PDE4D: variants seen among roughly 807,000 people sequenced by gnomAD.
PDE4D encodes 3',5'-cyclic-AMP phosphodiesterase 4D.
PDE4D carries 24 observed loss-of-function variants against 87.4 expected under a neutral mutation model. That is an observed-to-expected ratio of 0.27 (90% CI 0.20 to 0.39). PDE4D has a LOEUF of 0.39. Among genes scored for constraint, PDE4D ranks in the 10% least tolerant of loss-of-function variants. The pLI, the probability that PDE4D is intolerant of heterozygous loss-of-function variation, is 1.00. For synonymous variants in PDE4D, 384 were observed against 383.2 expected (o/e 1.00, Z -0.02); for missense variants, 714 against 1,041.0 (o/e 0.69, Z 4.32).
rs534859161 is a variant in PDE4D, at chr5:59,144,085, G to T, written c.808+36510C>A. ...GATCCAAATAAAGAAACCATCGGGG[G>T]TTTCTCTATGGCTTATAAAGGAGCA... On this transcript the variant is annotated intron_variant, in intron 5 of 14. Transcript: ENST00000340635. Among the ~76,000 whole-genome samples the T allele has an allele frequency of 3.3e-5, 5 of 152,290 alleles. No homozygotes were observed. The South Asian group carries it at 6.2e-4, about 19-fold the overall frequency.
At chr5:59,829,244 T>G (rs1038621072) in intron 1 of PDE4D, among the ~76,000 whole-genome samples, 2 of 151,944 alleles carry the variant, frequency 1.3e-5, no homozygotes, top group Non-Finnish European at 2.9e-5. Context: ...ATAGCACACA[T>G]TAGAATAGAT....
intron 5 of PDE4D, among the ~76,000 whole-genome samples, chr5:59,151,072 C>A (rs566235703): frequency 1.3e-5 from 2 of 152,286 alleles, no homozygotes; most frequent in East Asian, 1.9e-4. Context: ...AACTTCTAAA[C>A]CCTAGTCCAC....
At chr5:59,272,789 T>C (rs978750065) in intron 1 of PDE4D, among the ~76,000 whole-genome samples, 2 of 152,134 alleles carry the variant, frequency 1.3e-5, no homozygotes, top group Admixed American at 6.6e-5. Context: ...AAGTTTGCCA[T>C]GAAATCCCAT....
chr5:60,126,047 G>A (rs1330037663), intron 2 of PDE4D, among the ~76,000 whole-genome samples: 1 of 152,062 alleles, frequency 6.6e-6, no homozygotes, highest in African/African-American at 2.4e-5. Context: ...AGTTAAAAGG[G>A]CGTTTGACTA....
At chr5:59,048,590 T>A (rs1356368412) in intron 5 of PDE4D, among the ~76,000 whole-genome samples, 1 of 152,226 alleles carries the variant, frequency 6.6e-6, no homozygotes, top group Non-Finnish European at 1.5e-5. Flanking sequence ...ACTGACCAGT[T>A]ACTTGTCAAG....
intron 1 of PDE4D, among the ~76,000 whole-genome samples, chr5:59,542,634 T>C (rs186349028): frequency 1.4e-3 from 214 of 152,306 alleles, no homozygotes; most frequent in African/African-American, 4.9e-3. Flanking sequence ...ATAATATATA[T>C]TTCTAAATTC....
chr5:60,326,485 T>C lies in PDE4D; in HGVS notation c.-89-140798A>G, dbSNP rs199694896. 2.6e-5 allele frequency among the ~76,000 whole-genome samples: 4 copies of C among 152,228 alleles called. No individual in the cohort carries two copies. The East Asian group carries it at 5.8e-4, about 22-fold the overall frequency. The stretch of plus-strand genomic sequence containing the variant: ...ATTTTGTCCTGTGTTTTTCCTAAAA[T>C]ATGATCAGCTAAATTCAGAAACTTT... On this transcript the variant is annotated intron_variant, in intron 1 of 16. Coordinates refer to the PDE4D transcript ENST00000502484.
Position 59,875,977 on chromosome 5 carries a change from G to A in PDE4D, c.455+17191C>T, listed in dbSNP as rs1748546134. ...CCTATTGGAGGCTGGAGGGTGGGAG[G>A]AGGGAGAGGATCAAGAAAAATAACT... On this transcript the variant is annotated intron_variant, in intron 1 of 14. Coordinates refer to ENST00000340635, the MANE Select transcript of PDE4D (RefSeq NM_001104631.2). Among the ~76,000 whole-genome samples the A allele has an allele frequency of 2.0e-5, 3 of 152,142 alleles. No individual in the cohort carries two copies. The South Asian group carries it at 6.2e-4, about 32-fold the overall frequency.
At chr5:59,368,733 T>G (rs1783478926) in intron 1 of PDE4D, among the ~76,000 whole-genome samples, 1 of 152,166 alleles carries the variant, frequency 6.6e-6, no homozygotes, top group South Asian at 2.1e-4. Flanking sequence ...AATGATTTCT[T>G]CTCACATTCA....
intron 1 of PDE4D, among the ~76,000 whole-genome samples, chr5:59,487,536 T>C (rs1805372737): frequency 6.6e-6 from 1 of 152,122 alleles, no homozygotes; most frequent in African/African-American, 2.4e-5. Flanking sequence ...ATCAGCCCTA[T>C]CATTTTCCTA....
chr5:60,371,261 T>C (rs760274945), intron 1 of PDE4D, among the ~76,000 whole-genome samples: 1 of 152,192 alleles, frequency 6.6e-6, no homozygotes, highest in Non-Finnish European at 1.5e-5. Flanking sequence ...ATGCAGCTGA[T>C]GTAATATTGT....
intron 3 of PDE4D, among the ~76,000 whole-genome samples, chr5:59,922,530 G>A (rs1210738737): frequency 1.3e-5 from 2 of 152,058 alleles, no homozygotes; most frequent in African/African-American, 4.8e-5. Flanking sequence ...GTAGGATAGG[G>A]CAAAAGGCAG....
intron 1 of PDE4D, among the ~76,000 whole-genome samples, chr5:60,322,595 C>G (rs748141917): frequency 6.6e-6 from 1 of 152,084 alleles, no homozygotes; most frequent in Non-Finnish European, 1.5e-5. Context: ...TCCGCAAATC[C>G]CTTTCTGCTT....
At chr5:60,417,931 T>C (rs1742755838) in intron 1 of PDE4D, among the ~76,000 whole-genome samples, 1 of 151,354 alleles carries the variant, frequency 6.6e-6, no homozygotes, top group Non-Finnish European at 1.5e-5. Context: ...ACATTAAAGA[T>C]AAACACTTCC....
intron 1 of PDE4D, among the ~76,000 whole-genome samples, chr5:59,566,262 G>A (rs888101268): frequency 1.4e-4 from 21 of 152,090 alleles, no homozygotes; most frequent in African/African-American, 4.1e-4. Flanking sequence ...TCTTTAGCAT[G>A]GCCACCAGAG....
intron 1 of PDE4D, among the ~76,000 whole-genome samples, chr5:59,269,553 C>T (rs943210016): frequency 6.6e-6 from 1 of 152,002 alleles, no homozygotes. Flanking sequence ...CGCGGTAAGG[C>T]AGCACTGCAG....
intron 1 of PDE4D, among the ~76,000 whole-genome samples, chr5:59,618,084 G>T (rs1157052439): frequency 6.6e-6 from 1 of 151,606 alleles, no homozygotes; most frequent in Non-Finnish European, 1.5e-5. Flanking sequence ...TATGTGTCAT[G>T]TAAAAAAAAG....
intron 3 of PDE4D, among the ~76,000 whole-genome samples, chr5:59,185,678 CATAATA>C (rs1178041142): frequency 6.6e-6 from 1 of 152,300 alleles, no homozygotes; most frequent in South Asian, 2.1e-4. Flanking sequence ...TGAAGAATCT[CATAATA>C]ATAAGTTGGC....
At chr5:59,407,008 C>T (rs1791791490) in intron 1 of PDE4D, among the ~76,000 whole-genome samples, 1 of 152,140 alleles carries the variant, frequency 6.6e-6, no homozygotes, top group Non-Finnish European at 1.5e-5. Flanking sequence ...AAAATACTGA[C>T]TGGGAGCCTT....
Sources: gnomAD v4.1 joint callset for allele counts (sites outside exome capture counted in the v4.1 genomes callset) on GRCh38, gnomAD v4.1.1 for gene constraint, MANE v1.5 for transcripts, NCBI Gene and HGNC (gene_info 2026-07-23, HGNC 2026-07-21) for gene names.